The following SAMD5 variants were observed in gnomAD, a reference collection of about 807,000 sequenced individuals.
SAMD5 encodes the protein sterile alpha motif domain-containing protein 5.
A neutral mutation model predicts 11.3 loss-of-function variants in SAMD5; 13 were observed. That is an observed-to-expected ratio of 1.15 (90% CI 0.75 to 1.83). The LOEUF (loss-of-function observed/expected upper bound fraction) is 1.83. SAMD5 is among the 40% of genes most tolerant of loss of function. The pLI, the probability that SAMD5 is intolerant of heterozygous loss-of-function variation, is 0.00. For missense variants in SAMD5, 255 were observed against 239.1 expected (o/e 1.07, Z -0.44); for synonymous variants, 129 against 111.3 (o/e 1.16, Z -1.00).
intron 1 of SAMD5, among the ~76,000 whole-genome samples, chr6:147,647,816 T>C (rs1583122962): frequency 6.6e-6 from 1 of 152,210 alleles, no homozygotes; most frequent in African/African-American, 2.4e-5. Context: ...CATCGCTCAC[T>C]GAATAACTCA....
the SAMD5 span, among the ~76,000 whole-genome samples, chr6:147,807,628 T>C: frequency 2.9e-3 from 438 of 152,328 alleles, 2 homozygotes; most frequent in African/African-American, 0.01. Context: ...CCCACCCTCA[T>C]ACTAAACATG....
intron 1 of SAMD5, among the ~76,000 whole-genome samples, chr6:147,681,346 A>T (rs944791540): frequency 3.3e-5 from 5 of 151,960 alleles, no homozygotes; most frequent in African/African-American, 1.2e-4. Context: ...TGTTTTTTTC[A>T]TCTCAGGCAC....
intron 1 of SAMD5, among the ~76,000 whole-genome samples, chr6:147,673,186 A>T (rs1790817270): frequency 6.6e-6 from 1 of 152,088 alleles, no homozygotes; most frequent in African/African-American, 2.4e-5. Context: ...GTCTCAGCTC[A>T]GATAAATTTT....
the SAMD5 span, among the ~76,000 whole-genome samples, chr6:147,868,217 T>C: frequency 2.7e-4 from 41 of 152,312 alleles, no homozygotes; most frequent in Non-Finnish European, 5.9e-5. Flanking sequence ...TTGTGAGTTC[T>C]TTTAGATGGC....
chr6:147,654,765 G>A (rs1217853024), intron 1 of SAMD5, among the ~76,000 whole-genome samples: 1 of 128,460 alleles, frequency 7.8e-6, no homozygotes, highest in East Asian at 2.3e-4. Flanking sequence ...TGGATGGTTT[G>A]ACTATCTTTT....
chr6:147,656,899 C>CGTGTGTGTGTGTGTGTGTGT (rs55906300), intron 1 of SAMD5, among the ~76,000 whole-genome samples: 2 of 149,062 alleles, frequency 1.3e-5, no homozygotes, highest in Non-Finnish European at 3.0e-5. Flanking sequence ...ATACAGTATA[C>CGTGTGTGTGTGTGTGTGTGT]GTGTGTGTGT....
intron 1 of SAMD5, among the ~76,000 whole-genome samples, chr6:147,520,089 C>T (rs1788228630): frequency 6.7e-6 from 1 of 148,494 alleles, no homozygotes; most frequent in African/African-American, 2.5e-5. Flanking sequence ...TATGAAGTTG[C>T]TTTGTAAAAT....
At chr6:147,931,873 A>G in the SAMD5 span, among the ~76,000 whole-genome samples, 2 of 152,324 alleles carry the variant, frequency 1.3e-5, no homozygotes, top group African/African-American at 4.8e-5. Context: ...TGCTGTAGTG[A>G]TATATTGCAT....
intron 1 of SAMD5, among the ~76,000 whole-genome samples, chr6:147,552,854 A>C (rs1322023130): frequency 6.6e-6 from 1 of 152,232 alleles, no homozygotes; most frequent in East Asian, 1.9e-4. Flanking sequence ...GAAAAATTTT[A>C]AAGTTAATGA....
the SAMD5 span, among the ~76,000 whole-genome samples, chr6:147,816,017 C>T: frequency 1.3e-5 from 2 of 152,044 alleles, no homozygotes; most frequent in African/African-American, 4.8e-5. Flanking sequence ...CGGTGGCTCA[C>T]GCCTGTAATC....
intron 1 of SAMD5, among the ~76,000 whole-genome samples, chr6:147,641,780 T>C (rs1790315767): frequency 6.6e-6 from 1 of 152,198 alleles, no homozygotes; most frequent in African/African-American, 2.4e-5. Flanking sequence ...ACAGAATCTT[T>C]TAACTTTACC....
At chr6:147,674,181 C>T (rs540630303) in intron 1 of SAMD5, among the ~76,000 whole-genome samples, 1 of 152,282 alleles carries the variant, frequency 6.6e-6, no homozygotes, top group South Asian at 2.1e-4. Flanking sequence ...CTACATGTCC[C>T]TGGAGTTCCT....
the SAMD5 span, among the ~76,000 whole-genome samples, chr6:147,878,777 A>G: frequency 6.6e-6 from 1 of 151,866 alleles, no homozygotes; most frequent in African/African-American, 2.4e-5. Context: ...AATGACTAAT[A>G]TAACACAAGC....
At chr6:147,582,096 C>A (rs1024901753) in intron 1 of SAMD5, among the ~76,000 whole-genome samples, 3 of 148,308 alleles carry the variant, frequency 2.0e-5, no homozygotes, top group African/African-American at 7.5e-5. Flanking sequence ...CGGTGGCTTA[C>A]ACCTGTAATC....
At chr6:147,562,748 G>A (rs1287625836) in intron 1 of SAMD5, among the ~76,000 whole-genome samples, 15 of 152,064 alleles carry the variant, frequency 9.9e-5, no homozygotes, top group Admixed American at 9.8e-4. Flanking sequence ...CGTGAACCCG[G>A]GAGGCGGAGC....
intron 1 of SAMD5, among the ~76,000 whole-genome samples, chr6:147,728,351 G>A (rs879800103): frequency 1.3e-5 from 2 of 152,042 alleles, no homozygotes; most frequent in Non-Finnish European, 2.9e-5. Context: ...CTAGTAGGTG[G>A]AGGTTTCGGT....
the SAMD5 span, among the ~76,000 whole-genome samples, chr6:147,893,587 C>G: frequency 6.6e-6 from 1 of 152,084 alleles, no homozygotes; most frequent in African/African-American, 2.4e-5. Flanking sequence ...TTTTTTCAAC[C>G]TTTTCCTCAA....
At chr6:147,757,434 T>C in the SAMD5 span, among the ~76,000 whole-genome samples, 28 of 152,310 alleles carry the variant, frequency 1.8e-4, no homozygotes, top group South Asian at 4.1e-3. Flanking sequence ...TCCTCATTCT[T>C]TCTGAGCAGT....
chr6:147,830,413 C>T, the SAMD5 span, among the ~76,000 whole-genome samples: 34 of 151,928 alleles, frequency 2.2e-4, no homozygotes, highest in African/African-American at 6.0e-4. Flanking sequence ...TGTACCACTA[C>T]GCCTGGCTAA....
Sources: gnomAD v4.1 joint callset for allele counts (sites outside exome capture counted in the v4.1 genomes callset) on GRCh38, gnomAD v4.1.1 for gene constraint, MANE v1.5 for transcripts, NCBI Gene and HGNC (gene_info 2026-07-23, HGNC 2026-07-21) for gene names.